DAG1: variants seen among roughly 807,000 people sequenced by gnomAD.
DAG1 encodes dystroglycan 1 (dystrophin-associated glycoprotein 1).
Under a neutral mutation model 46.1 loss-of-function variants are expected in DAG1, and 8 were observed. The ratio of observed to expected loss-of-function variants is 0.17; its 90% CI spans 0.10 to 0.31. The LOEUF (loss-of-function observed/expected upper bound fraction) is 0.31. Ranked by LOEUF, DAG1 falls within the 10% of genes least tolerant of loss-of-function variation. The pLI is 1.00. For missense variants in DAG1, 1,003 were observed against 1,189.9 expected, an observed-to-expected ratio of 0.84 and a Z score of 2.31; for synonymous variants, 495 against 481.8, an observed-to-expected ratio of 1.03 and a Z score of -0.36.
chr3:49,479,305 A>G (rs1348592853), intron 1 of DAG1, among the ~76,000 whole-genome samples: 1 of 146,252 alleles, frequency 6.8e-6, no homozygotes, highest in Non-Finnish European at 1.5e-5. Context: ...ACCAAGTTTG[A>G]GTATAGATTT....
At chr3:49,518,491 A>G (rs1049083529) in intron 2 of DAG1, among the ~76,000 whole-genome samples, 1 of 152,212 alleles carries the variant, frequency 6.6e-6, no homozygotes, top group African/African-American at 2.4e-5. Context: ...AAAGCGCCTG[A>G]AGCAAATGCT....
At chr3:49,491,551 A>G (rs2107330645) in intron 1 of DAG1, among the ~76,000 whole-genome samples, 1 of 145,654 alleles carries the variant, frequency 6.9e-6, no homozygotes, top group South Asian at 2.2e-4. Context: ...GATCTTGCTC[A>G]CTGCAAGCTC....
At chr3:49,522,370 T>TTGGCCAGGCTGC (rs1454833929) in intron 2 of DAG1, among the ~76,000 whole-genome samples, 3 of 152,116 alleles carry the variant, frequency 2.0e-5, no homozygotes, top group African/African-American at 7.2e-5. Flanking sequence ...TTTCACCATG[T>TTGGCCAGGCTGC]TGGCCAGGCT....
chr3:49,494,402 G>A (rs1024417854), intron 1 of DAG1, among the ~76,000 whole-genome samples: 13 of 152,012 alleles, frequency 8.6e-5, no homozygotes, highest in East Asian at 7.7e-4. Flanking sequence ...CTGACATTTC[G>A]CCTCACTCCT....
At chr3:49,524,469 A>G (rs1017711972) in intron 2 of DAG1, among the ~76,000 whole-genome samples, 2 of 151,928 alleles carry the variant, frequency 1.3e-5, no homozygotes, top group Admixed American at 6.6e-5. Context: ...GAAGCCTAGG[A>G]GTTCAAGACC....
chr3:49,471,363 T>C (rs1045790240), intron 1 of DAG1, among the ~76,000 whole-genome samples: 2 of 152,218 alleles, frequency 1.3e-5, no homozygotes, highest in African/African-American at 4.8e-5. Context: ...TTCAGGTGTT[T>C]TGCAAAGTCT....
intron 2 of DAG1, among the ~76,000 whole-genome samples, chr3:49,520,628 G>T (rs76383043): frequency 6.6e-6 from 1 of 152,196 alleles, no homozygotes; most frequent in Non-Finnish European, 1.5e-5. Context: ...TCTGTTGGGG[G>T]ACACGGGGAA....
intron 2 of DAG1, among the ~76,000 whole-genome samples, chr3:49,526,082 C>T (rs1003178693): frequency 2.0e-5 from 3 of 152,102 alleles, no homozygotes; most frequent in African/African-American, 7.2e-5. Flanking sequence ...AACTCCTGAA[C>T]TCAAGTGATC....
At chr3:49,520,140 G>C (rs778811541) in intron 2 of DAG1, among the ~76,000 whole-genome samples, 1 of 152,214 alleles carries the variant, frequency 6.6e-6, no homozygotes, top group Non-Finnish European at 1.5e-5. Context: ...GGGGACAAAG[G>C]CCTGGCCCTC....
chr3:49,474,956 C>A (rs1330728880), intron 1 of DAG1, among the ~76,000 whole-genome samples: 1 of 151,730 alleles, frequency 6.6e-6, no homozygotes, highest in Admixed American at 6.6e-5. Flanking sequence ...GGACTACAGG[C>A]GCCCGCCACC....
intron 1 of DAG1, among the ~76,000 whole-genome samples, chr3:49,507,885 TGTA>T (rs747873697): frequency 4.6e-5 from 7 of 152,084 alleles, no homozygotes; most frequent in Non-Finnish European, 8.8e-5. Flanking sequence ...TTGGATGAGT[TGTA>T]GTAGTTTGTA....
At chr3:49,495,461 GCTGT>G (rs959204913) in intron 1 of DAG1, among the ~76,000 whole-genome samples, 1 of 152,176 alleles carries the variant, frequency 6.6e-6, no homozygotes, top group African/African-American at 2.4e-5. Context: ...TAATTGTTGG[GCTGT>G]CTTCAGAGAA....
At chr3:49,505,965 C>T (rs1192894511) in intron 1 of DAG1, among the ~76,000 whole-genome samples, 9 of 148,600 alleles carry the variant, frequency 6.1e-5, no homozygotes, top group East Asian at 2.0e-4. Context: ...CCACCACGCC[C>T]GGCCTATTTT....
intron 1 of DAG1, among the ~76,000 whole-genome samples, chr3:49,482,217 C>T (rs1246007085): frequency 6.6e-6 from 1 of 152,136 alleles, no homozygotes; most frequent in Non-Finnish European, 1.5e-5. Context: ...CCACAGGGAC[C>T]TCTGCTCTTG....
intron 1 of DAG1, among the ~76,000 whole-genome samples, chr3:49,487,690 T>C (rs2050071582): frequency 1.4e-5 from 1 of 71,990 alleles, no homozygotes; most frequent in African/African-American, 4.8e-5. Flanking sequence ...GCCCCATACA[T>C]TCTTTTTTTT....
At chr3:49,502,743 A>G (rs977319651) in intron 1 of DAG1, among the ~76,000 whole-genome samples, 12 of 145,622 alleles carry the variant, frequency 8.2e-5, no homozygotes, top group African/African-American at 2.8e-4. Context: ...GGTTCACGCC[A>G]TTCTCCTGCC....
intron 1 of DAG1, among the ~76,000 whole-genome samples, chr3:49,508,600 A>T (rs907033474): frequency 6.6e-6 from 1 of 152,132 alleles, no homozygotes; most frequent in Non-Finnish European, 1.5e-5. Flanking sequence ...GGGTTTCACC[A>T]TGTTGGCCAG....
intron 2 of DAG1, among the ~76,000 whole-genome samples, chr3:49,522,302 G>A (rs1421956451): frequency 6.6e-6 from 1 of 151,606 alleles, no homozygotes; most frequent in Non-Finnish European, 1.5e-5. Flanking sequence ...AAACTGCTGG[G>A]ATTACAGGCG....
chr3:49,473,167 G>A (rs1459544650), intron 1 of DAG1, among the ~76,000 whole-genome samples: 1 of 151,966 alleles, frequency 6.6e-6, no homozygotes, highest in East Asian at 1.9e-4. Context: ...CGTAATCCCA[G>A]CACTTTGGGA....
Sources: allele counts gnomAD v4.1 joint callset (sites outside exome capture counted in the v4.1 genomes callset), GRCh38; gene constraint gnomAD v4.1.1; transcripts MANE v1.5; gene names NCBI Gene and HGNC (gene_info 2026-07-23, HGNC 2026-07-21).